ZNF783: variants seen among roughly 807,000 people sequenced by gnomAD.
ZNF783 encodes the protein protein ZNF783.
Under a neutral mutation model 31.3 loss-of-function variants are expected in ZNF783, and 25 were observed. That is an observed-to-expected ratio of 0.80 (90% CI 0.58 to 1.11). The LOEUF (loss-of-function observed/expected upper bound fraction) is 1.11. ZNF783 is among the 50% of genes most tolerant of loss of function. The probability of loss-of-function intolerance (pLI) is 0.00; values close to 1 mark genes in which losing one functional copy is unlikely to be tolerated. For missense variants in ZNF783, 797 were observed against 760.0 expected (o/e 1.05, Z -0.57); for synonymous variants, 369 against 319.1 (o/e 1.16, Z -1.66).
At chr7:149,274,259 A>G (rs1468902758) in intron 4 of ZNF783, among the ~76,000 whole-genome samples, 1 of 152,054 alleles carries the variant, frequency 6.6e-6, no homozygotes, top group Non-Finnish European at 1.5e-5. Context: ...GATGAGAGAT[A>G]GGAGTTTAGT....
At chr7:149,279,188 C>T (rs1373275929) in intron 5 of ZNF783, among the ~76,000 whole-genome samples, 1 of 152,266 alleles carries the variant, frequency 6.6e-6, no homozygotes, top group East Asian at 1.9e-4. Flanking sequence ...ATCTTCCCCA[C>T]TGGATCATCC....
rs1014530741 is a variant in ZNF783, at chr7:149,283,455, C to T, written c.*1112C>T. ...GAAACTGAAGCCTGGACACGTCTCC[C>T]CAAGGGCTCAGTGTTCATGGGTGTG... On this transcript the variant is annotated 3_prime_UTR_variant, in exon 6 of 6. Transcript: ENST00000434415. The T allele has an allele frequency of 6.6e-6, 1 of 152,216 alleles. No individual in the cohort carries two copies. The highest frequency in any genetic ancestry group is 6.5e-5 in the Admixed American group (1 of 15,280). The allele number at this position is 152,216 out of a possible 1,614,324, so 9.4% of individuals were successfully genotyped here. A position where few individuals can be genotyped will look rare whatever the true frequency, so the allele number is the denominator to read the frequency against.
At chr7:149,277,368 A>G (rs1400050837) in intron 4 of ZNF783, 1 of 152,134 alleles carries the variant, frequency 6.6e-6, no homozygotes, top group Non-Finnish European at 1.5e-5. Flanking sequence ...TTCATCTCTG[A>G]TGGTAGCATT....
intron 4 of ZNF783, among the ~76,000 whole-genome samples, chr7:149,272,315 A>G (rs1281121890): frequency 6.6e-6 from 1 of 152,216 alleles, no homozygotes; most frequent in Non-Finnish European, 1.5e-5. Flanking sequence ...GCCTAGCCCC[A>G]ATGTATCTTT....
In ZNF783 at chr7:149,282,170, G is replaced by A. The variant is rs1026124581; in HGVS notation, c.1468G>A (p.Gly490Ser). The A allele has an allele frequency of 1.1e-5, 17 of 1,600,974 alleles. No individual in the cohort carries two copies. The highest frequency in any genetic ancestry group is 3.3e-5 in the Admixed American group (2 of 59,974). The stretch of plus-strand genomic sequence containing the variant: ...CTTCCGGCACCAGCGCATCCACACC[G>A]GTGAGCGGCCCTACCAGTGCCCCCA... ...DLFRHQRIHT[G>S]ERPYQCPQCG... is the part of the protein sequence containing the mutation. Residue 490 changes from glycine to serine, a missense_variant, in exon 6 of 6, where the codon GGT (glycine) becomes AGT (serine). By Grantham distance (56) the Gly-to-Ser change is moderately conservative. Coordinates refer to ENST00000434415, the MANE Select transcript of ZNF783 (RefSeq NM_001195220.2).
chr7:149,271,378 A>G (rs1213166789), intron 4 of ZNF783, among the ~76,000 whole-genome samples: 1 of 152,262 alleles, frequency 6.6e-6, no homozygotes, highest in East Asian at 1.9e-4. Flanking sequence ...TACAATTTCA[A>G]AACAGTGAAG....
At chr7:149,280,556 C>T (rs10248661) in intron 5 of ZNF783, among the ~76,000 whole-genome samples, 83,403 of 152,006 alleles carry the variant, frequency 0.55, 23,175 homozygotes, top group African/African-American at 0.62. Context: ...CTTTCCCCAT[C>T]GTGGTCTGGT....
In ZNF783 at chr7:149,280,009, T is replaced by C. The variant is rs1300096317; in HGVS notation, c.802+1482T>C. ...TACACCTCCCAGACGAGATGGTGGC[T>C]GGGCAGAGGGGCTCCTCACTTCCTA... On this transcript the variant is annotated intron_variant, in intron 5 of 5. Coordinates refer to ENST00000434415, the MANE Select transcript of ZNF783 (RefSeq NM_001195220.2). 4.6e-4 allele frequency among the ~76,000 whole-genome samples: 70 copies of C among 151,982 alleles called. 2 individuals carry two copies. In the East Asian group the frequency reaches 0.012, roughly 27 times the overall value.
intron 1 of ZNF783, 70 bp from the exon 2 acceptor site, chr7:149,266,265 T>C (rs773149388): frequency 1.3e-4 from 183 of 1,435,330 alleles, no homozygotes; most frequent in Admixed American, 2.8e-5. Flanking sequence ...ATTTCCGAAG[T>C]GTGTTTTTGA....
rs1410686897 is a variant in ZNF783, at chr7:149,266,618, T to G, written c.308T>G (p.Leu103Arg). ...EGKWAVLGTLLQEYGLLQRRL... is the reference protein window; with the variant it reads ...EGKWAVLGTLRQEYGLLQRRL... ...AAGTGGGCCGTGCTGGGGACCTTGC[T>G]GCAGGAGTACGGGCTGCTGCAGAGG... The change falls in exon 2 of 6, where the codon CTG becomes CGG. Residue 103 changes from leucine to arginine, a missense_variant. Coordinates refer to ENST00000434415, the MANE Select transcript of ZNF783 (RefSeq NM_001195220.2). 1.2e-6 allele frequency: 2 copies of G among 1,614,176 alleles called. No homozygotes were observed. The highest frequency in any genetic ancestry group is 4.5e-5 in the East Asian group (2 of 44,868).
intron 4 of ZNF783, among the ~76,000 whole-genome samples, chr7:149,273,618 T>C (rs1432170475): frequency 6.6e-6 from 1 of 151,924 alleles, no homozygotes. Flanking sequence ...CAATCAGAGC[T>C]CACTGCACCC....
At chr7:149,279,531 G>A (rs1401377925) in intron 5 of ZNF783, among the ~76,000 whole-genome samples, 1 of 152,076 alleles carries the variant, frequency 6.6e-6, no homozygotes, top group African/African-American at 2.4e-5. Context: ...GGAGATGGCT[G>A]TGCACGCTGC....
intron 5 of ZNF783, among the ~76,000 whole-genome samples, chr7:149,279,754 A>G (rs1257491873): frequency 6.6e-6 from 1 of 150,772 alleles, no homozygotes; most frequent in African/African-American, 2.4e-5. Flanking sequence ...AAGTGGACAC[A>G]GCACATGTTT....
At chr7:149,275,539 G>C (rs956624219) in intron 4 of ZNF783, 1 of 152,054 alleles carries the variant, frequency 6.6e-6, no homozygotes, top group Non-Finnish European at 1.5e-5. Context: ...GGATGGTCTC[G>C]ATTTCCTGAC....
At chr7:149,279,464 CAG>C (rs1797409341) in intron 5 of ZNF783, among the ~76,000 whole-genome samples, 1 of 152,200 alleles carries the variant, frequency 6.6e-6, no homozygotes, top group East Asian at 1.9e-4. Context: ...GCCCTCGGGA[CAG>C]AAGCCCTAGG....
At position 149,262,220 on chromosome 7, in the gene ZNF783, C is replaced by T; in HGVS notation, c.-114C>T. On this transcript the variant is annotated 5_prime_UTR_variant, in exon 1 of 6. Coordinates refer to ENST00000434415, the MANE Select transcript of ZNF783 (RefSeq NM_001195220.2). ...CGGGACGCAGTTCGCTGCCGCCCGG[C>T]AGTAGCTCTCAGGTTAGGCGGGTCC... is the stretch of plus-strand genomic sequence containing the variant. 1.0e-6 allele frequency: 1 copy of T among 971,894 alleles called. No homozygotes were observed. The highest frequency in any genetic ancestry group is 1.3e-6 in the Non-Finnish European group (1 of 742,168). The allele number at this position is 971,894 out of a possible 1,614,324, so 60.2% of individuals were successfully genotyped here.
At position 149,284,854 on chromosome 7, in the gene ZNF783, A is replaced by G. The variant is rs1402750560; in HGVS notation, c.*2511A>G. ...CAGTGGGAGCCCTGGTTGGGCCCCA[A>G]ACTCTCCCAGCAGGGTCCTCGGTTT... On this transcript the variant is annotated 3_prime_UTR_variant, in exon 6 of 6. Coordinates refer to ENST00000434415, the MANE Select transcript of ZNF783 (RefSeq NM_001195220.2). 1 of 152,210 alleles carries G rather than the reference A, an allele frequency of 6.6e-6. No individual in the cohort carries two copies. The highest frequency in any genetic ancestry group is 2.4e-5 in the African/African-American group (1 of 41,448). The allele number at this position is 152,210 out of a possible 1,614,324, so 9.4% of individuals were successfully genotyped here.
chr7:149,282,068 C>T lies in ZNF783; in HGVS notation c.1366C>T (p.Arg456Cys), dbSNP rs776732150. ...GCGCAAGAGCCTGCTGCTGCACCAG[C>T]GCCTGCACACCGGCAATGGCCAGGG... The part of the protein sequence containing the change: ...QQRKSLLLHQ[R>C]LHTGNGQGWP... The change falls in exon 6 of 6, where the codon CGC becomes TGC. Residue 456 changes from arginine (R) to cysteine (C), a missense_variant. Physicochemically the swap from Arg to Cys is radical, Grantham distance 180. Transcript: ENST00000434415. 40 of 1,595,440 alleles carry T rather than the reference C, an allele frequency of 2.5e-5. No individual in the cohort carries two copies. The South Asian group carries it at 3.2e-4, about 13-fold the overall frequency.
chr7:149,279,632 G>GTTTTTTTTTTTTTT (rs764203926), intron 5 of ZNF783, among the ~76,000 whole-genome samples: 3 of 100,334 alleles, frequency 3.0e-5, no homozygotes, highest in Non-Finnish European at 3.9e-5. Flanking sequence ...TTTTATCTTT[G>GTTTTTTTTTTTTTT]TTTTTTTTTT....
Sources: allele counts gnomAD v4.1 joint callset (sites outside exome capture counted in the v4.1 genomes callset), GRCh38; gene constraint gnomAD v4.1.1; transcripts MANE v1.5; gene names NCBI Gene and HGNC (gene_info 2026-07-23, HGNC 2026-07-21).